TMEM266: variants seen among roughly 807,000 people sequenced by gnomAD.
TMEM266 encodes transmembrane protein 266.
TMEM266 carries 33 observed loss-of-function variants against 50.5 expected under a neutral mutation model. That is an observed-to-expected ratio of 0.65 (90% CI 0.50 to 0.87). TMEM266 has a LOEUF of 0.87. TMEM266 is among the 40% of genes least tolerant of loss of function. The pLI, the probability that TMEM266 is intolerant of heterozygous loss-of-function variation, is 0.00. For synonymous variants in TMEM266, 310 were observed against 292.3 expected, an observed-to-expected ratio of 1.06 and a Z score of -0.62; for missense variants, 655 against 695.1, an observed-to-expected ratio of 0.94 and a Z score of 0.65.
At position 76,173,179 on chromosome 15, in the gene TMEM266, C is replaced by T. The variant is rs998162748; in HGVS notation, c.652+2048C>T. Among the ~76,000 whole-genome samples the T allele has an allele frequency of 7.2e-5, 11 of 152,210 alleles. 1 individual carries two copies. The East Asian group carries it at 1.4e-3, about 19-fold the overall frequency. On this transcript the variant is annotated intron_variant, in intron 7 of 10. Coordinates refer to ENST00000388942, the MANE Select transcript of TMEM266 (RefSeq NM_152335.3). Reference sequence around the variant, plus strand: ...GAGATGGGTCTCAGGGACACGTGGCCGGTCCTCAAGCAGAAAAGTCCCAAT... The same window carrying T: ...GAGATGGGTCTCAGGGACACGTGGCTGGTCCTCAAGCAGAAAAGTCCCAAT...
intron 8 of TMEM266, chr15:76,181,429 A>G (rs150006364): frequency 6.6e-6 from 1 of 152,370 alleles, no homozygotes; most frequent in African/African-American, 2.4e-5. Context: ...CAGTCATACC[A>G]TTCCAAAGCC....
intron 1 of TMEM266, among the ~76,000 whole-genome samples, chr15:76,084,483 A>G (rs2036741104): frequency 6.6e-6 from 1 of 152,236 alleles, no homozygotes; most frequent in South Asian, 2.1e-4. Flanking sequence ...AAGGGAGCAT[A>G]TGGAGAAATA....
chr15:76,178,810 A>G (rs547981989), intron 8 of TMEM266: 1 of 152,278 alleles, frequency 6.6e-6, no homozygotes, highest in South Asian at 2.1e-4. Flanking sequence ...ACAGAAACGA[A>G]CCATTTTAAT....
intron 1 of TMEM266, among the ~76,000 whole-genome samples, chr15:76,119,406 A>G (rs139139156): frequency 0.013 from 1,883 of 150,290 alleles, 25 homozygotes; most frequent in South Asian, 0.026. Flanking sequence ...AAAAAAAAAA[A>G]AAAAAAGAAA....
intron 9 of TMEM266, among the ~76,000 whole-genome samples, chr15:76,199,921 T>G (rs1160739296): frequency 4.6e-5 from 7 of 152,160 alleles, no homozygotes. Flanking sequence ...GTGGAAGGGC[T>G]GTCATGTAGA....
At chr15:76,081,005 C>T (rs1441657107) in intron 1 of TMEM266, among the ~76,000 whole-genome samples, 1 of 152,054 alleles carries the variant, frequency 6.6e-6, no homozygotes, top group Non-Finnish European at 1.5e-5. Context: ...TCCACCTGGC[C>T]TCCCAGAGTG....
chr15:76,197,575 A>C (rs2038674055), intron 9 of TMEM266, among the ~76,000 whole-genome samples: 1 of 152,224 alleles, frequency 6.6e-6, no homozygotes. Flanking sequence ...AGAAGGATTG[A>C]GCATTTAGTC....
chr15:76,126,361 A>T (rs1384232207), intron 1 of TMEM266, among the ~76,000 whole-genome samples: 1 of 132,058 alleles, frequency 7.6e-6, no homozygotes, highest in Non-Finnish European at 1.5e-5. Context: ...ACACACACAC[A>T]CACACCCACA....
chr15:76,148,086 G>C (rs935406248), intron 3 of TMEM266, among the ~76,000 whole-genome samples: 1 of 152,248 alleles, frequency 6.6e-6, no homozygotes, highest in African/African-American at 2.4e-5. Context: ...AGCGGCGGGT[G>C]ACCGCTAGAT....
At chr15:76,148,617 T>C (rs1596135012) in intron 3 of TMEM266, among the ~76,000 whole-genome samples, 1 of 152,172 alleles carries the variant, frequency 6.6e-6, no homozygotes, top group Non-Finnish European at 1.5e-5. Flanking sequence ...CTGAGATGTG[T>C]GGTCAGTGTC....
At chr15:76,180,629 T>TTTTTG (rs2038386550) in intron 8 of TMEM266, among the ~76,000 whole-genome samples, 1 of 146,212 alleles carries the variant, frequency 6.8e-6, no homozygotes. Flanking sequence ...TTTTTTTTTT[T>TTTTTG]TTGGAACAGA....
intron 3 of TMEM266, among the ~76,000 whole-genome samples, chr15:76,140,970 G>A (rs1434284663): frequency 1.3e-5 from 2 of 152,032 alleles, no homozygotes; most frequent in South Asian, 2.1e-4. Flanking sequence ...CCAGGAGGTC[G>A]AAGCTTTAGT....
chr15:76,100,139 A>G (rs1045225310), intron 1 of TMEM266, among the ~76,000 whole-genome samples: 6 of 152,190 alleles, frequency 3.9e-5, no homozygotes, highest in African/African-American at 1.4e-4. Context: ...CTCATACGAC[A>G]TTCTAGAGGG....
At chr15:76,091,307 G>A (rs959399019) in intron 1 of TMEM266, among the ~76,000 whole-genome samples, 4 of 150,356 alleles carry the variant, frequency 2.7e-5, no homozygotes, top group Non-Finnish European at 6.0e-5. Flanking sequence ...CAACAAAGAG[G>A]AAGACATGGG....
chr15:76,204,052 TC>T lies in TMEM266; in HGVS notation c.1335del (p.Ser446ProfsTer37), dbSNP rs1317441633. ...GGAGGCCACAGTCCAGGACCTGCTG[TC>T]CTCCCTGTCGGAGGACCCCTGCCCT... On this transcript the variant is annotated frameshift_variant, in exon 11 of 11. Coordinates refer to ENST00000388942, the MANE Select transcript of TMEM266 (RefSeq NM_152335.3). LOFTEE classifies it high-confidence loss of function. 2.5e-6 allele frequency: 4 copies of T among 1,611,872 alleles called. No individual in the cohort carries two copies. The highest frequency in any genetic ancestry group is 3.4e-6 in the Non-Finnish European group (4 of 1,179,086).
intron 1 of TMEM266, among the ~76,000 whole-genome samples, chr15:76,066,341 A>G (rs1567137958): frequency 1.3e-5 from 2 of 152,194 alleles, no homozygotes; most frequent in African/African-American, 2.4e-5. Flanking sequence ...GATATATAGA[A>G]ATAATTAAAA....
intron 1 of TMEM266, among the ~76,000 whole-genome samples, chr15:76,127,391 A>G (rs540994856): frequency 4.8e-4 from 73 of 151,362 alleles, no homozygotes; most frequent in African/African-American, 6.3e-4. Flanking sequence ...CAGTGGCTCA[A>G]TCATAGCTCA....
At chr15:76,202,822 G>A (rs2038769792) in intron 10 of TMEM266, among the ~76,000 whole-genome samples, 1 of 152,154 alleles carries the variant, frequency 6.6e-6, no homozygotes, top group Admixed American at 6.5e-5. Flanking sequence ...TCTTGAGTTT[G>A]AATTTCGCAG....
chr15:76,204,902 A>AG lies in TMEM266; in HGVS notation c.*590dup, dbSNP rs972257496. On this transcript the variant is annotated 3_prime_UTR_variant, in exon 11 of 11. Coordinates refer to ENST00000388942, the MANE Select transcript of TMEM266 (RefSeq NM_152335.3). ...CTAGAGGTGGGTGGGAGGGTCCTAG[A>AG]GGGCAGGGGAACAACCATTTTCCAA... 1.3e-5 allele frequency: 2 copies of AG among 152,680 alleles called. No individual in the cohort carries two copies. The highest frequency in any genetic ancestry group is 2.9e-5 in the Non-Finnish European group (2 of 68,068). 9.5% of individuals were successfully genotyped at this position (152,680 alleles called of 1,614,324 possible).
Sources: allele counts gnomAD v4.1 joint callset (sites outside exome capture counted in the v4.1 genomes callset), GRCh38; gene constraint gnomAD v4.1.1; transcripts MANE v1.5; gene names NCBI Gene and HGNC (gene_info 2026-07-23, HGNC 2026-07-21).